Variants in B4GALNT3 observed in about 807,000 individuals in gnomAD.
B4GALNT3 encodes the protein beta-1,4-N-acetylgalactosaminyltransferase 3.
Under a neutral mutation model 120.2 loss-of-function variants are expected in B4GALNT3, and 86 were observed. That is an observed-to-expected ratio of 0.72 (90% CI 0.60 to 0.86). The LOEUF is 0.86. Among genes scored for constraint, B4GALNT3 ranks in the 40% least tolerant of loss-of-function variants. The pLI is 0.00. For missense variants in B4GALNT3, 1,167 were observed against 1,298.9 expected, an observed-to-expected ratio of 0.90 and a Z score of 1.56; for synonymous variants, 518 against 510.4, an observed-to-expected ratio of 1.01 and a Z score of -0.20.
intron 7 of B4GALNT3, 104 bp from the exon 8 acceptor site, chr12:547,920 A>G: frequency 1.1e-6 from 1 of 941,586 alleles, no homozygotes; most frequent in Non-Finnish European, 1.7e-6. Flanking sequence ...AAGAGCAAGG[A>G]GAAGGGATGA....
intron 1 of B4GALNT3, among the ~76,000 whole-genome samples, chr12:525,686 C>T (rs1405667189): frequency 6.6e-6 from 1 of 152,240 alleles, no homozygotes; most frequent in East Asian, 1.9e-4. Flanking sequence ...CTCCCTCCTT[C>T]CACCTGGAAA....
rs773373142 is a variant in B4GALNT3 at position 553,298 on chromosome 12, C to A, written c.1375C>A (p.Pro459Thr). 16 of 1,613,650 alleles carry A rather than the reference C, an allele frequency of 9.9e-6. No individual in the cohort carries two copies. Among genetic ancestry groups the A allele is most frequent in the Non-Finnish European group, 1.3e-5 (15 of 1,180,042 alleles). ...NARMLEGRQT[P>T]ASTLEQDATD... is the part of the protein sequence containing the mutation. ...CAGGATGCTTGAGGGAAGACAGACA[C>A]CTGCCTCCACCCTGGAGCAAGATGC... The change falls in exon 14 of 20, where the codon CCT (proline) becomes ACT (threonine). Residue 459 changes from proline to threonine, a missense_variant. Transcript: ENST00000266383.
chr12:522,940 T>TAA (rs1565601881), intron 1 of B4GALNT3, among the ~76,000 whole-genome samples: 6 of 77,082 alleles, frequency 7.8e-5, no homozygotes, highest in African/African-American at 2.1e-4. Flanking sequence ...GAGACTCTGT[T>TAA]TAAAAAAAAA....
In B4GALNT3 at chr12:554,529, G is replaced by T. The variant is rs576547989; in HGVS notation, c.2060+546G>T. Among the ~76,000 whole-genome samples, 611 of 152,122 alleles carry T rather than the reference G, an allele frequency of 4.0e-3. 7 individuals carry two copies. The highest frequency in any genetic ancestry group is 0.014 in the African/African-American group (577 of 41,480). On this transcript the variant is annotated intron_variant, in intron 14 of 19. Coordinates refer to ENST00000266383, the MANE Select transcript of B4GALNT3 (RefSeq NM_173593.4). ...TTACAGGCTGGGCGCGGTGGCTCAC[G>T]CCTGTAATCCCAGCACTTTGGGAGG...
At chr12:522,311 C>G (rs1946718188) in intron 1 of B4GALNT3, among the ~76,000 whole-genome samples, 1 of 152,174 alleles carries the variant, frequency 6.6e-6, no homozygotes. Flanking sequence ...TCTGTCCATA[C>G]AATAGGATAT....
chr12:480,211 G>A (rs1043880285), intron 1 of B4GALNT3, among the ~76,000 whole-genome samples: 1 of 139,842 alleles, frequency 7.2e-6, no homozygotes, highest in African/African-American at 2.7e-5. Flanking sequence ...CACCGCGCCC[G>A]GCCAGGATGG....
At chr12:469,338 A>G (rs1946112696) in intron 1 of B4GALNT3, among the ~76,000 whole-genome samples, 1 of 152,194 alleles carries the variant, frequency 6.6e-6, no homozygotes, top group African/African-American at 2.4e-5. Flanking sequence ...CCGAGCACAT[A>G]TTAGGATCTC....
chr12:505,146 C>T (rs7980725), intron 1 of B4GALNT3, among the ~76,000 whole-genome samples: 1 of 151,572 alleles, frequency 6.6e-6, no homozygotes, highest in African/African-American at 2.4e-5. Flanking sequence ...CCTGCCTTGG[C>T]CTCCCAACGT....
At chr12:554,607 G>A (rs2887442) in intron 14 of B4GALNT3, among the ~76,000 whole-genome samples, 33 of 19,132 alleles carry the variant, frequency 1.7e-3, no homozygotes, top group East Asian at 0.013. Flanking sequence ...TGGCTAACAC[G>A]GTGAAACCCC....
At chr12:541,999 T>G (rs1389501316) in intron 3 of B4GALNT3, among the ~76,000 whole-genome samples, 1 of 151,958 alleles carries the variant, frequency 6.6e-6, no homozygotes, top group Non-Finnish European at 1.5e-5. Context: ...AGCTGAGTCT[T>G]ATAAACTGAA....
At chr12:467,161 G>T (rs1207368584) in intron 1 of B4GALNT3, among the ~76,000 whole-genome samples, 1 of 152,178 alleles carries the variant, frequency 6.6e-6, no homozygotes, top group African/African-American at 2.4e-5. Context: ...AAGCCAGAGT[G>T]CAGTGGTGTG....
chr12:490,965 T>C (rs1946334381), intron 1 of B4GALNT3, among the ~76,000 whole-genome samples: 1 of 152,222 alleles, frequency 6.6e-6, no homozygotes, highest in Non-Finnish European at 1.5e-5. Context: ...GAGGAAATTA[T>C]GCCATTTCTC....
intron 13 of B4GALNT3, chr12:552,801 G>A (rs1369604171): frequency 5.6e-6 from 3 of 531,252 alleles, no homozygotes; most frequent in African/African-American, 1.9e-5. Flanking sequence ...CTGCTGGAGG[G>A]GCTTGCTGTC....
At chr12:475,489 A>G (rs921677417) in intron 1 of B4GALNT3, among the ~76,000 whole-genome samples, 2 of 151,982 alleles carry the variant, frequency 1.3e-5, no homozygotes, top group Non-Finnish European at 2.9e-5. Context: ...CTTCACCCTC[A>G]CTTCCTGTCC....
chr12:509,412 CTGAA>C (rs2120566047), intron 1 of B4GALNT3, among the ~76,000 whole-genome samples: 1 of 152,290 alleles, frequency 6.6e-6, no homozygotes, highest in Non-Finnish European at 1.5e-5. Flanking sequence ...GGAAGCAACA[CTGAA>C]TGGGAAGAGA....
chr12:553,061 C>A, intron 13 of B4GALNT3, 133 bp from the exon 14 acceptor site: 3 of 1,311,152 alleles, frequency 2.3e-6, no homozygotes, highest in Admixed American at 2.2e-5. Flanking sequence ...ACACAGTAAG[C>A]GATAGAACCT....
rs148530704 is a variant in B4GALNT3 at position 509,106 on chromosome 12, A to G, written c.170-26060A>G. On this transcript the variant is annotated intron_variant, in intron 1 of 19. Transcript: ENST00000266383. ...TTTCCCCATCACTGCCTGTCATCCA[A>G]CACTTCAAAGATGATGGACAACGTG... is the stretch of plus-strand genomic sequence containing the variant. Among the ~76,000 whole-genome samples the G allele has an allele frequency of 2.7e-3, 415 of 152,326 alleles. 1 individual carries two copies. Among genetic ancestry groups the G allele is most frequent in the African/African-American group, 6.3e-3 (260 of 41,570 alleles).
chr12:463,237 C>T (rs999286366), intron 1 of B4GALNT3, among the ~76,000 whole-genome samples: 4 of 152,232 alleles, frequency 2.6e-5, no homozygotes, highest in Non-Finnish European at 2.9e-5. Context: ...GGAGAGATGG[C>T]AGTCACAAAC....
intron 1 of B4GALNT3, among the ~76,000 whole-genome samples, chr12:478,097 A>G (rs1946200841): frequency 6.6e-6 from 1 of 151,940 alleles, no homozygotes; most frequent in Non-Finnish European, 1.5e-5. Flanking sequence ...AAAAAATTTA[A>G]AAGTTAGCCA....
Sources: allele counts gnomAD v4.1 joint callset (sites outside exome capture counted in the v4.1 genomes callset), GRCh38; gene constraint gnomAD v4.1.1; transcripts MANE v1.5; gene names NCBI Gene and HGNC (gene_info 2026-07-23, HGNC 2026-07-21).